KIFAP3: variants seen among roughly 807,000 people sequenced by gnomAD.
The protein encoded by KIFAP3 is kinesin associated protein 3, also known as kinesin-associated protein 3.
In KIFAP3, 68 loss-of-function variants were observed where a neutral mutation model predicts 106.5. The ratio of observed to expected loss-of-function variants is 0.64; its 90% CI spans 0.53 to 0.78. KIFAP3 has a LOEUF of 0.78. Ranked by LOEUF, KIFAP3 falls within the 30% of genes least tolerant of loss-of-function variation. The pLI is 0.00. For synonymous variants in KIFAP3, 320 were observed against 311.5 expected, an observed-to-expected ratio of 1.03 and a Z score of -0.29; for missense variants, 780 against 941.8, an observed-to-expected ratio of 0.83 and a Z score of 2.25.
At chr1:170,044,627 A>C (rs1266913507) in intron 3 of KIFAP3, among the ~76,000 whole-genome samples, 3 of 152,226 alleles carry the variant, frequency 2.0e-5, no homozygotes, top group African/African-American at 7.2e-5. Context: ...AGTGCCCAGA[A>C]GAGTTCCACA....
chr1:170,057,877 G>A (rs1283027349), intron 1 of KIFAP3, among the ~76,000 whole-genome samples: 1 of 152,040 alleles, frequency 6.6e-6, no homozygotes, highest in Non-Finnish European at 1.5e-5. Flanking sequence ...TCTACTAATA[G>A]AGCCTTCTCA....
chr1:170,022,784 G>A (rs1187544828), intron 9 of KIFAP3, among the ~76,000 whole-genome samples: 2 of 152,090 alleles, frequency 1.3e-5, no homozygotes, highest in Non-Finnish European at 2.9e-5. Flanking sequence ...AATAAAAAAT[G>A]AGGTTTAATG....
At chr1:169,937,730 T>G (rs1204552534) in intron 19 of KIFAP3, among the ~76,000 whole-genome samples, 1 of 151,796 alleles carries the variant, frequency 6.6e-6, no homozygotes, top group African/African-American at 2.4e-5. Context: ...TCCTCTAAAG[T>G]CATAACCATC....
intron 19 of KIFAP3, among the ~76,000 whole-genome samples, chr1:169,926,211 A>C (rs908849364): frequency 6.6e-6 from 1 of 152,184 alleles, no homozygotes; most frequent in Non-Finnish European, 1.5e-5. Flanking sequence ...TCTTTATTAC[A>C]CAGCTCTAAA....
At chr1:170,055,702 A>G (rs1670812821) in intron 1 of KIFAP3, among the ~76,000 whole-genome samples, 1 of 152,198 alleles carries the variant, frequency 6.6e-6, no homozygotes. Context: ...CTAAGAAAAA[A>G]AATACATTTA....
At chr1:169,988,377 TC>T (rs960598305) in intron 11 of KIFAP3, among the ~76,000 whole-genome samples, 38 of 152,170 alleles carry the variant, frequency 2.5e-4, no homozygotes, top group Admixed American at 1.6e-3. Flanking sequence ...TCAATTTTTT[TC>T]ATCATTGAAA....
At chr1:170,062,338 A>G (rs993356337) in intron 1 of KIFAP3, among the ~76,000 whole-genome samples, 1 of 151,376 alleles carries the variant, frequency 6.6e-6, no homozygotes. Flanking sequence ...CATCCTATTA[A>G]CACTGCTTTT....
chr1:170,041,681 A>T lies in KIFAP3; in HGVS notation c.320-2393T>A, dbSNP rs1033569570. On this transcript the variant is annotated intron_variant, in intron 3 of 19. Transcript: ENST00000361580. ...TGCCAGCAAGGCATTACCGACCTTC[A>T]CATAAGCTTGCTTGGAGTACAGAAA... 5.2e-6 allele frequency: 8 copies of T among 1,534,560 alleles called. No homozygotes were observed. The African/African-American group carries it at 8.2e-5, about 16-fold the overall frequency.
At chr1:170,074,812 G>T, upstream of KIFAP3, 1 of 1,138,394 alleles carries the variant, frequency 8.8e-7, no homozygotes, top group Non-Finnish European at 1.1e-6. Context: ...AAGTTTTGGT[G>T]CAGTTTTGAG....
intron 19 of KIFAP3, among the ~76,000 whole-genome samples, chr1:169,951,021 T>C (rs1664700776): frequency 6.6e-6 from 1 of 151,428 alleles, no homozygotes; most frequent in South Asian, 2.1e-4. Context: ...CCACCACAAA[T>C]GATTGAATAA....
rs761082229 is a variant in KIFAP3, at chr1:170,034,368, A to G, written c.742+4T>C. The G allele has an allele frequency of 6.2e-7, 1 of 1,604,836 alleles. No individual in the cohort carries two copies. Among genetic ancestry groups the G allele is most frequent in the South Asian group, 1.1e-5 (1 of 88,638 alleles). On this transcript the variant is annotated splice_donor_region_variant and intron_variant, in intron 7 of 19. Transcript: ENST00000361580. ...ACGGTTCAAATGCCACTCTAAAAGG[A>G]TATCAGCTTTCTTCTTCTTTGAGAG...
intron 19 of KIFAP3, among the ~76,000 whole-genome samples, chr1:169,929,416 T>C (rs1057124787): frequency 1.3e-5 from 2 of 152,164 alleles, no homozygotes; most frequent in Non-Finnish European, 2.9e-5. Context: ...TAAAGTGCTA[T>C]TACTATAACA....
chr1:170,043,641 A>G lies in KIFAP3; in HGVS notation c.319+3071T>C, dbSNP rs543573401. Among the ~76,000 whole-genome samples the G allele has an allele frequency of 3.9e-5, 6 of 152,292 alleles. No homozygotes were observed. In the East Asian group the frequency reaches 1.2e-3, roughly 29 times the overall value. The stretch of plus-strand genomic sequence containing the variant: ...AAGGGAATGGTGAAGGGTAGAGGGG[A>G]GGATCAAAGGACTTATCCCAGGACG... On this transcript the variant is annotated intron_variant, in intron 3 of 19. Coordinates refer to ENST00000361580, the MANE Select transcript of KIFAP3 (RefSeq NM_014970.4).
intron 10 of KIFAP3, among the ~76,000 whole-genome samples, chr1:169,993,253 C>T (rs901263131): frequency 6.6e-6 from 1 of 151,762 alleles, no homozygotes; most frequent in East Asian, 1.9e-4. Context: ...GATTCAGGCG[C>T]CCACTACCAC....
chr1:170,065,450 A>AAAAAATAC (rs1671390761), intron 1 of KIFAP3, among the ~76,000 whole-genome samples: 1 of 151,524 alleles, frequency 6.6e-6, no homozygotes, highest in Non-Finnish European at 1.5e-5. Flanking sequence ...TGTCTCTACT[A>AAAAAATAC]AAAAATACAA....
At chr1:169,989,638 C>A (rs1319443335) in intron 11 of KIFAP3, among the ~76,000 whole-genome samples, 1 of 151,990 alleles carries the variant, frequency 6.6e-6, no homozygotes, top group East Asian at 1.9e-4. Flanking sequence ...CATGCATTAT[C>A]TCTATAAGAC....
At chr1:170,082,247 A>C (rs1403420433) in intron 1 of KIFAP3, among the ~76,000 whole-genome samples, 1 of 152,272 alleles carries the variant, frequency 6.6e-6, no homozygotes, top group African/African-American at 2.4e-5. Flanking sequence ...GATACTACTT[A>C]GCATCAAGAA....
chr1:170,076,203 T>C (rs549300203), upstream of KIFAP3, among the ~76,000 whole-genome samples: 17 of 152,012 alleles, frequency 1.1e-4, no homozygotes, highest in South Asian at 3.5e-3. Context: ...AACCTGAGCT[T>C]GAAAAAACAA....
At chr1:170,059,585 G>A (rs1671027911) in intron 1 of KIFAP3, among the ~76,000 whole-genome samples, 2 of 152,070 alleles carry the variant, frequency 1.3e-5, no homozygotes, top group South Asian at 4.1e-4. Flanking sequence ...TCTACCAGAG[G>A]TACAAGGAGG....
Sources: allele counts gnomAD v4.1 joint callset (sites outside exome capture counted in the v4.1 genomes callset), GRCh38; gene constraint gnomAD v4.1.1; transcripts MANE v1.5; gene names NCBI Gene and HGNC (gene_info 2026-07-23, HGNC 2026-07-21).